The following PRR16 variants were observed in gnomAD, a reference collection of about 807,000 sequenced individuals.
PRR16 encodes protein Largen.
PRR16 carries 6 observed loss-of-function variants against 18.2 expected under a neutral mutation model. The ratio of observed to expected loss-of-function variants is 0.33; its 90% CI spans 0.18 to 0.65. The LOEUF is 0.65. Ranked by LOEUF, PRR16 falls within the 30% of genes least tolerant of loss-of-function variation. The probability of loss-of-function intolerance (pLI) is 0.74; values close to 1 mark genes in which losing one functional copy is unlikely to be tolerated. For synonymous variants in PRR16, 151 were observed against 147.8 expected (o/e 1.02, Z -0.16); for missense variants, 412 against 376.6 (o/e 1.09, Z -0.78).
At chr5:120,698,508 A>AACTGG in the PRR16 span, among the ~76,000 whole-genome samples, 1 of 118,840 alleles carries the variant, frequency 8.4e-6, no homozygotes, top group Non-Finnish European at 1.8e-5. Context: ...GCTTGGAGAA[A>AACTGG]CAGTGTAAAC....
chr5:120,671,717 T>G (rs561660193), intron 1 of PRR16, among the ~76,000 whole-genome samples: 5 of 152,182 alleles, frequency 3.3e-5, no homozygotes, highest in Non-Finnish European at 7.4e-5. Context: ...TTAAAAATAT[T>G]GATAAGTGTA....
intron 1 of PRR16, among the ~76,000 whole-genome samples, chr5:120,580,777 T>C (rs1173772330): frequency 6.6e-6 from 1 of 152,126 alleles, no homozygotes; most frequent in Non-Finnish European, 1.5e-5. Context: ...TCTGCATCTA[T>C]TGAGATAATG....
intron 1 of PRR16, among the ~76,000 whole-genome samples, chr5:120,506,270 T>C (rs1191922405): frequency 6.6e-6 from 1 of 152,090 alleles, no homozygotes; most frequent in East Asian, 1.9e-4. Flanking sequence ...ATTTCACATA[T>C]ATCTTTTTTT....
chr5:120,549,029 C>A (rs1417968444), intron 1 of PRR16, among the ~76,000 whole-genome samples: 2 of 151,674 alleles, frequency 1.3e-5, no homozygotes, highest in Admixed American at 6.6e-5. Flanking sequence ...TATTATAAAG[C>A]CAAGTTGCCA....
At chr5:120,617,946 G>A (rs1423602546) in intron 1 of PRR16, among the ~76,000 whole-genome samples, 2 of 152,068 alleles carry the variant, frequency 1.3e-5, no homozygotes, top group Non-Finnish European at 2.9e-5. Context: ...AAGGCTGTCA[G>A]TACAGGTTTC....
At chr5:120,766,532 T>C in the PRR16 span, among the ~76,000 whole-genome samples, 1 of 151,948 alleles carries the variant, frequency 6.6e-6, no homozygotes, top group Non-Finnish European at 1.5e-5. Context: ...CTTTGTGGGT[T>C]ATGTTTTCAT....
the PRR16 span, chr5:120,790,580 A>C: frequency 6.6e-6 from 1 of 152,228 alleles, no homozygotes; most frequent in Non-Finnish European, 1.5e-5. Flanking sequence ...CCATACTGAG[A>C]TAATAGCATT....
At chr5:120,707,319 T>C in the PRR16 span, among the ~76,000 whole-genome samples, 1 of 152,162 alleles carries the variant, frequency 6.6e-6, no homozygotes, top group African/African-American at 2.4e-5. Context: ...ATATGTTCCA[T>C]AGCTTGTGAT....
intron 1 of PRR16, among the ~76,000 whole-genome samples, chr5:120,662,805 T>C (rs1387470755): frequency 1.3e-5 from 2 of 152,136 alleles, no homozygotes; most frequent in African/African-American, 2.4e-5. Context: ...GCTTATTTCA[T>C]TCCAGACACA....
At chr5:120,732,209 C>G in the PRR16 span, among the ~76,000 whole-genome samples, 1 of 152,110 alleles carries the variant, frequency 6.6e-6, no homozygotes, top group African/African-American at 2.4e-5. Context: ...TTATAATGAA[C>G]AATTAATTTA....
At chr5:120,780,045 C>G in the PRR16 span, among the ~76,000 whole-genome samples, 3 of 152,106 alleles carry the variant, frequency 2.0e-5, no homozygotes, top group African/African-American at 7.2e-5. Flanking sequence ...TTGTCATCAA[C>G]CTTGGGAGCT....
chr5:120,769,487 T>C, the PRR16 span, among the ~76,000 whole-genome samples: 3 of 151,902 alleles, frequency 2.0e-5, no homozygotes, highest in Non-Finnish European at 4.4e-5. Context: ...TGAAACTTTA[T>C]ACCCTACTGA....
the PRR16 span, among the ~76,000 whole-genome samples, chr5:120,793,170 C>G: frequency 6.6e-6 from 1 of 151,790 alleles, no homozygotes; most frequent in Non-Finnish European, 1.5e-5. Flanking sequence ...TCTAAACATA[C>G]CTAAACATAT....
the PRR16 span, among the ~76,000 whole-genome samples, chr5:120,752,769 G>A: frequency 3.3e-5 from 5 of 151,828 alleles, no homozygotes; most frequent in African/African-American, 1.2e-4. Context: ...CTCAAGTAGG[G>A]AAAATACTCA....
chr5:120,755,284 T>A, the PRR16 span, among the ~76,000 whole-genome samples: 4 of 152,096 alleles, frequency 2.6e-5, no homozygotes, highest in Admixed American at 2.0e-4. Flanking sequence ...GCCTCTTATG[T>A]GGATATATTG....
the PRR16 span, among the ~76,000 whole-genome samples, chr5:120,697,905 A>C: frequency 1.3e-3 from 192 of 152,150 alleles, no homozygotes; most frequent in African/African-American, 4.3e-3. Context: ...TTGTGGTGGA[A>C]TGTCATCAGT....
At chr5:120,507,067 CA>C (rs1445140247) in intron 1 of PRR16, among the ~76,000 whole-genome samples, 3 of 152,060 alleles carry the variant, frequency 2.0e-5, no homozygotes, top group Non-Finnish European at 2.9e-5. Context: ...TAAAGAAATA[CA>C]ATAGGAGAAA....
intron 1 of PRR16, among the ~76,000 whole-genome samples, chr5:120,484,241 A>C (rs990411242): frequency 6.6e-6 from 1 of 150,424 alleles, no homozygotes; most frequent in Non-Finnish European, 1.5e-5. Context: ...AACATTCGAA[A>C]TGATTACCGA....
intron 1 of PRR16, among the ~76,000 whole-genome samples, chr5:120,558,495 T>C (rs1439893605): frequency 6.6e-6 from 1 of 151,902 alleles, no homozygotes; most frequent in Non-Finnish European, 1.5e-5. Flanking sequence ...TTTTTTGTGA[T>C]TAAATAGTAC....
Sources: allele counts gnomAD v4.1 joint callset (sites outside exome capture counted in the v4.1 genomes callset), GRCh38; gene constraint gnomAD v4.1.1; transcripts MANE v1.5; gene names NCBI Gene and HGNC (gene_info 2026-07-23, HGNC 2026-07-21).